The following YTHDC2 variants were observed in gnomAD, a reference collection of about 807,000 sequenced individuals.
YTHDC2 encodes the protein 3'-5' RNA helicase YTHDC2.
YTHDC2 carries 45 observed loss-of-function variants against 174.9 expected under a neutral mutation model. The observed-to-expected ratio is 0.26, with a 90% CI of 0.20 to 0.33. YTHDC2 has a LOEUF of 0.33. Ranked by LOEUF, YTHDC2 falls within the 10% of genes least tolerant of loss-of-function variation. The probability of loss-of-function intolerance (pLI) is 1.00; values close to 1 mark genes in which losing one functional copy is unlikely to be tolerated. For synonymous variants in YTHDC2, 657 were observed against 574.5 expected (o/e 1.14, Z -2.05); for missense variants, 1,650 against 1,723.7 (o/e 0.96, Z 0.76).
chr5:113,525,872 T>A (rs1385837300), intron 3 of YTHDC2, among the ~76,000 whole-genome samples: 1 of 152,162 alleles, frequency 6.6e-6, no homozygotes, highest in Non-Finnish European at 1.5e-5. Context: ...AGAAAATATG[T>A]GGTCCTAGAT....
At position 113,561,134 on chromosome 5, in the gene YTHDC2, C is replaced by T. The variant is rs774164331; in HGVS notation, c.2271C>T (p.Phe757=). The T allele has an allele frequency of 1.3e-5, 21 of 1,612,618 alleles. No individual in the cohort carries two copies. The highest frequency in any genetic ancestry group is 5.0e-5 in the Admixed American group (3 of 59,956). ...TTCGTCTGTTCAGTAGACTCCGATT[C>T]CAGAATATGTTGGAATTTCAGACTC... ...ICFRLFSRLR[F]QNMLEFQTPE... is the part of the protein sequence containing the mutation. Residue 757 remains phenylalanine, a synonymous_variant, in exon 18 of 30, where the codon TTC becomes TTT. Coordinates refer to ENST00000161863, the MANE Select transcript of YTHDC2 (RefSeq NM_022828.5).
chr5:113,553,552 C>G (rs775630930), intron 13 of YTHDC2, 38 bp from the exon 14 acceptor site: 1 of 1,594,318 alleles, frequency 6.3e-7, no homozygotes. Flanking sequence ...CTCTGATTCA[C>G]AATGAGATTT....
At position 113,593,515 on chromosome 5, in the gene YTHDC2, T is replaced by G; in HGVS notation, c.*41T>G. ...GCTGTGGAAGAACATCATGCCTATTTATAACCACTGAATGCACTGACTTTC... is the reference window on the plus strand; with the variant it reads ...GCTGTGGAAGAACATCATGCCTATTGATAACCACTGAATGCACTGACTTTC... On this transcript the variant is annotated 3_prime_UTR_variant, in exon 30 of 30. Coordinates refer to ENST00000161863, the MANE Select transcript of YTHDC2 (RefSeq NM_022828.5). 1 of 726,730 alleles carries G rather than the reference T, an allele frequency of 1.4e-6. No homozygotes were observed. The highest frequency in any genetic ancestry group is 2.2e-6 in the Non-Finnish European group (1 of 458,750). The allele number at this position is 726,730 out of a possible 1,614,324, so 45.0% of individuals were successfully genotyped here. A position where few individuals can be genotyped will look rare whatever the true frequency, so the allele number is the denominator to read the frequency against.
At chr5:113,538,202 G>A (rs904365400) in intron 7 of YTHDC2, among the ~76,000 whole-genome samples, 3 of 152,062 alleles carry the variant, frequency 2.0e-5, no homozygotes, top group African/African-American at 4.8e-5. Context: ...TCTCATTCAG[G>A]TTAACCTGAA....
rs1776932767 is a variant in YTHDC2 at position 113,561,091 on chromosome 5, G to A, written c.2228G>A (p.Cys743Tyr). 1 of 1,608,314 alleles carries A rather than the reference G, an allele frequency of 6.2e-7. No homozygotes were observed. The highest frequency in any genetic ancestry group is 1.3e-5 in the African/African-American group (1 of 74,988). ...AIQRKGRAGR[C>Y]RPGICFRLFS... ...ACTTTATTTTTAAGGGCAGGGCGAT[G>A]TAGACCTGGAATTTGTTTTCGTCTG... The change falls in exon 18 of 30, where the codon TGT becomes TAT. Residue 743 changes from cysteine to tyrosine, a missense_variant. Physicochemically the swap from Cys to Tyr is radical, Grantham distance 194. Transcript: ENST00000161863.
chr5:113,563,865 G>A lies in YTHDC2; in HGVS notation c.2449G>A (p.Asp817Asn). The change falls in exon 20 of 30, where the codon GAT (aspartate) becomes AAT (asparagine). Residue 817 changes from aspartate (D) to asparagine (N), a missense_variant. Coordinates refer to ENST00000161863, the MANE Select transcript of YTHDC2 (RefSeq NM_022828.5). ...TCTGTCTCCTTTTACTTAGACAATA[G>A]ATGCAATGGATACATGGGAAGATCT... Reference protein sequence around the residue: ...RNAVQMLKTIDAMDTWEDLTE... With the variant: ...RNAVQMLKTINAMDTWEDLTE... 6.2e-7 allele frequency: 1 copy of A among 1,614,108 alleles called. No homozygotes were observed. The highest frequency in any genetic ancestry group is 8.5e-7 in the Non-Finnish European group (1 of 1,179,998).
chr5:113,566,517 CA>C (rs910761561), intron 21 of YTHDC2, among the ~76,000 whole-genome samples: 3 of 130,334 alleles, frequency 2.3e-5, no homozygotes, highest in Admixed American at 8.2e-5. Context: ...TTTTGAGTAG[CA>C]AAAAAAAATT....
intron 10 of YTHDC2, among the ~76,000 whole-genome samples, chr5:113,543,502 A>G (rs1775627963): frequency 6.6e-6 from 1 of 152,164 alleles, no homozygotes; most frequent in South Asian, 2.1e-4. Flanking sequence ...CCCCTAGTCC[A>G]AGCTAGCCTC....
intron 26 of YTHDC2, among the ~76,000 whole-genome samples, chr5:113,588,052 T>C (rs1778790107): frequency 6.6e-6 from 1 of 152,148 alleles, no homozygotes; most frequent in Non-Finnish European, 1.5e-5. Flanking sequence ...TATTCATTGT[T>C]AGTATATACA....
chr5:113,587,993 CTAAG>C (rs756104441), intron 26 of YTHDC2, among the ~76,000 whole-genome samples: 10 of 151,974 alleles, frequency 6.6e-5, no homozygotes, highest in Non-Finnish European at 1.5e-4. Context: ...AAATTTCTCC[CTAAG>C]TATTTAATGT....
chr5:113,574,843 C>G (rs973602992), intron 23 of YTHDC2, among the ~76,000 whole-genome samples: 1 of 152,200 alleles, frequency 6.6e-6, no homozygotes, highest in Non-Finnish European at 1.5e-5. Context: ...GGCTGCTCTG[C>G]CAACACTCCA....
At chr5:113,567,038 A>C (rs533440862) in intron 21 of YTHDC2, 54 bp from the exon 22 acceptor site, 1 of 1,534,902 alleles carries the variant, frequency 6.5e-7, no homozygotes, top group African/African-American at 1.4e-5. Flanking sequence ...GAAAAAATAC[A>C]CAAAAGTATC....
In YTHDC2 at chr5:113,517,350, G is replaced by A. The variant is rs137917906; in HGVS notation, c.278+1988G>A. 9.8e-3 allele frequency among the ~76,000 whole-genome samples: 1,499 copies of A among 152,280 alleles called. 14 individuals carry two copies. The highest frequency in any genetic ancestry group is 0.023 in the South Asian group (113 of 4,832). On this transcript the variant is annotated intron_variant, in intron 2 of 29. Coordinates refer to ENST00000161863, the MANE Select transcript of YTHDC2 (RefSeq NM_022828.5). ...GTGCTTGGAAACACATGTTATAAAT[G>A]TACAGTTCTGTAGCTACATCATTTC...
At chr5:113,585,003 A>G (rs1162515319) in intron 26 of YTHDC2, among the ~76,000 whole-genome samples, 3 of 150,920 alleles carry the variant, frequency 2.0e-5, no homozygotes, top group African/African-American at 4.9e-5. Context: ...TTGGCCTCAA[A>G]CTCCTGGGCT....
chr5:113,540,823 A>G (rs902844555), intron 8 of YTHDC2, 145 bp from the exon 9 acceptor site: 12 of 677,174 alleles, frequency 1.8e-5, no homozygotes, highest in Non-Finnish European at 2.8e-5. Context: ...TTTATTGAAT[A>G]TTCTTAATAT....
chr5:113,559,258 T>A (rs1157909132), intron 17 of YTHDC2, among the ~76,000 whole-genome samples: 3 of 151,934 alleles, frequency 2.0e-5, no homozygotes, highest in Non-Finnish European at 4.4e-5. Flanking sequence ...ATGCATGGAG[T>A]TCAAAAATTT....
intron 23 of YTHDC2, among the ~76,000 whole-genome samples, chr5:113,575,013 G>T (rs555334620): frequency 6.6e-6 from 1 of 152,198 alleles, no homozygotes; most frequent in Non-Finnish European, 1.5e-5. Flanking sequence ...TCCTGTGTGG[G>T]CTGTCGCCTT....
At chr5:113,554,884 A>C (rs1426516464) in intron 16 of YTHDC2, among the ~76,000 whole-genome samples, 1 of 151,806 alleles carries the variant, frequency 6.6e-6, no homozygotes, top group Non-Finnish European at 1.5e-5. Context: ...CATATTACTC[A>C]TGTGTGGAAA....
At chr5:113,591,004 C>G in intron 26 of YTHDC2, 37 bp from the exon 27 acceptor site, 1 of 1,569,160 alleles carries the variant, frequency 6.4e-7, no homozygotes. Context: ...TTTGAAAGGT[C>G]AGGTTACCTT....
Sources: gnomAD v4.1 joint callset for allele counts (sites outside exome capture counted in the v4.1 genomes callset) on GRCh38, gnomAD v4.1.1 for gene constraint, MANE v1.5 for transcripts, NCBI Gene and HGNC (gene_info 2026-07-23, HGNC 2026-07-21) for gene names.